Variants in ZEB1 observed in about 807,000 individuals in gnomAD.
The protein encoded by ZEB1 is zinc finger E-box-binding homeobox 1.
A neutral mutation model predicts 84.9 loss-of-function variants in ZEB1; 21 were observed. That is an observed-to-expected ratio of 0.25 (90% CI 0.18 to 0.36). The LOEUF (loss-of-function observed/expected upper bound fraction) is 0.36, where lower values mean the gene tolerates loss of function less well. ZEB1 is among the 10% of genes least tolerant of loss of function. The pLI is 1.00. For missense variants in ZEB1, 1,104 were observed against 1,330.2 expected, an observed-to-expected ratio of 0.83 and a Z score of 2.65; for synonymous variants, 420 against 471.1, an observed-to-expected ratio of 0.89 and a Z score of 1.41.
At chr10:31,486,930 A>T (rs2065838123) in intron 2 of ZEB1, among the ~76,000 whole-genome samples, 1 of 151,346 alleles carries the variant, frequency 6.6e-6, no homozygotes, top group Admixed American at 6.6e-5. Context: ...TTTTGACCTA[A>T]TTTTTTTATA....
At chr10:31,487,414 G>GT (rs912153865) in intron 2 of ZEB1, among the ~76,000 whole-genome samples, 25 of 151,144 alleles carry the variant, frequency 1.7e-4, no homozygotes, top group Admixed American at 6.0e-4. Context: ...ATTTATTTAG[G>GT]TTTTCTTTTT....
chr10:31,374,605 T>C (rs2046277331), intron 1 of ZEB1, among the ~76,000 whole-genome samples: 1 of 151,704 alleles, frequency 6.6e-6, no homozygotes, highest in Non-Finnish European at 1.5e-5. Flanking sequence ...TGGCATAAGT[T>C]CCTATAAGGG....
intron 2 of ZEB1, among the ~76,000 whole-genome samples, chr10:31,473,573 T>G (rs1451802504): frequency 1.3e-5 from 2 of 150,618 alleles, no homozygotes; most frequent in Non-Finnish European, 3.0e-5. Flanking sequence ...TACAAACAAA[T>G]GGAAGAACAT....
rs756379165 is a variant in ZEB1, at chr10:31,337,683, GTTT to G, written c.58+18411_58+18413del. On this transcript the variant is annotated intron_variant, in intron 1 of 8. Transcript: ENST00000424869. ...AGATAAAGCTTAATAATTTCTTTCT[GTTT>G]TTTTTTTTTTTTTTTTTTTGATGGA... 9.4e-3 allele frequency among the ~76,000 whole-genome samples: 925 copies of G among 98,754 alleles called. 2 individuals are homozygous for G. The highest frequency in any genetic ancestry group is 0.037 in the African/African-American group (851 of 23,080). 64.8% of individuals were successfully genotyped at this position (98,754 alleles called of 152,430 possible).
chr10:31,392,046 T>C (rs763603393), intron 1 of ZEB1, among the ~76,000 whole-genome samples: 1 of 152,216 alleles, frequency 6.6e-6, no homozygotes, highest in African/African-American at 2.4e-5. Flanking sequence ...AAATTCATAC[T>C]GATTTTTAAA....
At chr10:31,472,062 G>T (rs995800862) in intron 2 of ZEB1, among the ~76,000 whole-genome samples, 5 of 149,842 alleles carry the variant, frequency 3.3e-5, no homozygotes, top group Admixed American at 1.3e-4. Context: ...ATTCAAAGCA[G>T]TGTGTAGAGG....
chr10:31,421,214 T>C (rs1274760567), intron 1 of ZEB1, among the ~76,000 whole-genome samples: 1 of 151,960 alleles, frequency 6.6e-6, no homozygotes, highest in Non-Finnish European at 1.5e-5. Flanking sequence ...GGCAGTTGTG[T>C]TAGTGAGTTC....
Position 31,368,494 on chromosome 10 carries a change from A to G in ZEB1, c.58+49202A>G, listed in dbSNP as rs182938746. On this transcript the variant is annotated intron_variant, in intron 1 of 8. Transcript: ENST00000424869. ...ACGTTAAATCATCTCTAGCTTACTT[A>G]TAATACCTAATACAATACAAATGCT... is the stretch of plus-strand genomic sequence containing the variant. Among the ~76,000 whole-genome samples, 238 of 152,288 alleles carry G rather than the reference A, an allele frequency of 1.6e-3. 1 individual carries two copies. Among genetic ancestry groups the G allele is most frequent in the African/African-American group, 4.7e-3 (197 of 41,552 alleles).
chr10:31,387,357 C>A, intron 1 of ZEB1: 1 of 966,746 alleles, frequency 1.0e-6, no homozygotes, highest in Non-Finnish European at 1.2e-6. Context: ...GTGAGACCTT[C>A]AGACGTTCGC....
rs1176258791 is a variant in ZEB1, at chr10:31,489,252, AGTCTACTTT to A, written c.260-6519_260-6511del. Among the ~76,000 whole-genome samples the A allele has an allele frequency of 9.9e-5, 15 of 151,426 alleles. No individual in the cohort carries two copies. The East Asian group carries it at 2.9e-3, about 29-fold the overall frequency. ...TCTCTGATAATTTTCTTATCACTGA[AGTCTACTTT>A]GTCTGATATTACTATAATCACGCTA... On this transcript the variant is annotated intron_variant, in intron 2 of 8. Coordinates refer to ENST00000424869, the MANE Select transcript of ZEB1 (RefSeq NM_001174096.2).
intron 1 of ZEB1, among the ~76,000 whole-genome samples, chr10:31,342,790 C>G (rs2039632413): frequency 6.6e-6 from 1 of 152,010 alleles, no homozygotes; most frequent in South Asian, 2.1e-4. Context: ...TTTATTTCCC[C>G]CATATGGATA....
intron 1 of ZEB1, among the ~76,000 whole-genome samples, chr10:31,398,867 G>A (rs939231535): frequency 6.6e-6 from 1 of 151,682 alleles, no homozygotes; most frequent in Non-Finnish European, 1.5e-5. Context: ...TCTCCAAATT[G>A]GGAATGCTCC....
intron 1 of ZEB1, among the ~76,000 whole-genome samples, chr10:31,389,008 A>G (rs1352778925): frequency 6.6e-6 from 1 of 152,148 alleles, no homozygotes; most frequent in Non-Finnish European, 1.5e-5. Context: ...TTATGATAGT[A>G]CATATTTTAG....
chr10:31,435,449 A>G (rs1240777117), intron 1 of ZEB1, among the ~76,000 whole-genome samples: 2 of 152,262 alleles, frequency 1.3e-5, no homozygotes, highest in African/African-American at 4.8e-5. Flanking sequence ...ACAAGTAACT[A>G]AACAAGATAA....
chr10:31,461,746 G>A (rs55880039), intron 2 of ZEB1, among the ~76,000 whole-genome samples: 8,004 of 152,034 alleles, frequency 0.053, 608 homozygotes, highest in East Asian at 0.18. Context: ...TGGAAGGAGC[G>A]GTGAAAGTAA....
rs942535918 is a variant in ZEB1, at chr10:31,331,503, G to A, written c.58+12211G>A. Among the ~76,000 whole-genome samples the A allele has an allele frequency of 7.2e-5, 11 of 152,288 alleles. No individual in the cohort carries two copies. In the East Asian group the frequency reaches 2.1e-3, roughly 29 times the overall value. ...TGTGGGATGAATATGATGGATTATT[G>A]TATGCAAGGTAATGAGACCCTGAAG... On this transcript the variant is annotated intron_variant, in intron 1 of 8. Coordinates refer to ENST00000424869, the MANE Select transcript of ZEB1 (RefSeq NM_001174096.2).
chr10:31,342,942 A>G (rs960223021), intron 1 of ZEB1, among the ~76,000 whole-genome samples: 2 of 152,116 alleles, frequency 1.3e-5, no homozygotes, highest in African/African-American at 2.4e-5. Flanking sequence ...TCCTTTTTAT[A>G]TAGTAGTAGA....
At chr10:31,466,605 A>G (rs531521393) in intron 2 of ZEB1, among the ~76,000 whole-genome samples, 196 of 152,344 alleles carry the variant, frequency 1.3e-3, no homozygotes, top group African/African-American at 4.6e-3. Context: ...AATGCAGCAA[A>G]AGCAGTTCTA....
chr10:31,433,218 T>C (rs2057931552), intron 1 of ZEB1, among the ~76,000 whole-genome samples: 1 of 152,202 alleles, frequency 6.6e-6, no homozygotes, highest in Admixed American at 6.5e-5. Flanking sequence ...GTTCACTGAA[T>C]TGTCCAGATC....
Sources: gnomAD v4.1 joint callset for allele counts (sites outside exome capture counted in the v4.1 genomes callset) on GRCh38, gnomAD v4.1.1 for gene constraint, MANE v1.5 for transcripts, NCBI Gene and HGNC (gene_info 2026-07-23, HGNC 2026-07-21) for gene names.